The following RUNX1 variants were observed in gnomAD, a reference collection of about 807,000 sequenced individuals.
The protein encoded by RUNX1 is RUNX family transcription factor 1, also known as runt-related transcription factor 1.
Under a neutral mutation model 42.8 loss-of-function variants are expected in RUNX1, and 19 were observed. The ratio of observed to expected loss-of-function variants is 0.44; its 90% CI spans 0.31 to 0.65. The LOEUF is 0.65. Among genes scored for constraint, RUNX1 ranks in the 30% least tolerant of loss-of-function variants. The pLI, the probability that RUNX1 is intolerant of heterozygous loss-of-function variation, is 0.07. For synonymous variants in RUNX1, 271 were observed against 289.4 expected (o/e 0.94, Z 0.64); for missense variants, 528 against 672.0 (o/e 0.79, Z 2.37).
Position 34,901,518 on chromosome 21 carries a change from A to AAATAATAATAATAATAATAATAAT in RUNX1, c.59-8556_59-8555insATTATTATTATTATTATTATTATT, listed in dbSNP as rs536376739. Among the ~76,000 whole-genome samples, 41 of 151,862 alleles carry AAATAATAATAATAATAATAATAAT rather than the reference A, an allele frequency of 2.7e-4. No individual in the cohort carries two copies. The highest frequency in any genetic ancestry group is 8.9e-4 in the African/African-American group (37 of 41,400). ...ACAGAGCCAGATCCGTCTCAAAAAT[A>AAATAATAATAATAATAATAATAAT]AATAATAATAATAATAATAACAATA... On this transcript the variant is annotated intron_variant, in intron 2 of 8. Coordinates refer to ENST00000675419, the MANE Select transcript of RUNX1 (RefSeq NM_001754.5). This position sits in a 1 kb window ranked among gnomAD's most constrained non-coding sequence, Gnocchi z 4.3.
At chr21:34,879,129 G>A (rs1379733138) in intron 5 of RUNX1, among the ~76,000 whole-genome samples, 1 of 152,146 alleles carries the variant, frequency 6.6e-6, no homozygotes, top group Non-Finnish European at 1.5e-5. Context: ...CTACTCATCC[G>A]AAGCCTTTAA....
In RUNX1 at chr21:34,886,752, C is replaced by T. The variant is rs2057994741; in HGVS notation, c.351+91G>A. The T allele has an allele frequency of 5.7e-6, 9 of 1,589,874 alleles. No individual in the cohort carries two copies. In the South Asian group the frequency reaches 1.0e-4, roughly 18 times the overall value. ...GCTGCGGGGGCCCCTTTCCAGAATCCGGCCCCGCCCGCCTGGCCGCTGCCC... is the reference window on the plus strand; with the variant it reads ...GCTGCGGGGGCCCCTTTCCAGAATCTGGCCCCGCCCGCCTGGCCGCTGCCC... On this transcript the variant is annotated intron_variant, in intron 4 of 8. Transcript: ENST00000675419.
chr21:34,888,724 T>C (rs749726651), intron 3 of RUNX1: 159 of 1,021,762 alleles, frequency 1.6e-4, no homozygotes, highest in South Asian at 5.1e-4. Flanking sequence ...GTGCTTTTAC[T>C]GTAAGCCCGG....
intron 2 of RUNX1, among the ~76,000 whole-genome samples, chr21:35,019,411 C>T (rs1456908919): frequency 6.6e-6 from 1 of 152,196 alleles, no homozygotes; most frequent in Non-Finnish European, 1.5e-5. Flanking sequence ...AGGTATATGT[C>T]TTCTGTCCTC....
At chr21:34,927,455 T>C (rs779942104) in intron 2 of RUNX1, among the ~76,000 whole-genome samples, 2 of 152,200 alleles carry the variant, frequency 1.3e-5, no homozygotes, top group Non-Finnish European at 2.9e-5. Context: ...CTTGGACAGA[T>C]GTTGGTGAGT....
At chr21:35,027,989 G>A (rs1484269045) in intron 2 of RUNX1, among the ~76,000 whole-genome samples, 1 of 152,190 alleles carries the variant, frequency 6.6e-6, no homozygotes, top group African/African-American at 2.4e-5. Context: ...TGAGAGACTA[G>A]ACTAAGAAAT....
At chr21:34,835,427 T>C (rs896844451) in intron 6 of RUNX1, among the ~76,000 whole-genome samples, 2 of 151,470 alleles carry the variant, frequency 1.3e-5, no homozygotes, top group African/African-American at 2.4e-5. Context: ...AGTGTCTATA[T>C]AGGGTGGGAT....
intron 4 of RUNX1, among the ~76,000 whole-genome samples, chr21:34,886,119 G>A (rs1248728987): frequency 6.6e-6 from 1 of 152,206 alleles, no homozygotes; most frequent in Non-Finnish European, 1.5e-5. Context: ...TGGGACCCCT[G>A]GCTCTCCGAA....
chr21:34,841,424 A>G (rs748721179), intron 6 of RUNX1, among the ~76,000 whole-genome samples: 1 of 152,022 alleles, frequency 6.6e-6, no homozygotes, highest in Non-Finnish European at 1.5e-5. Flanking sequence ...GAAAGCAAGC[A>G]CTCACTGGGT....
At chr21:34,813,497 G>C (rs2056784793) in intron 7 of RUNX1, among the ~76,000 whole-genome samples, 1 of 152,062 alleles carries the variant, frequency 6.6e-6, no homozygotes, top group South Asian at 2.1e-4. Context: ...GAGAATCCTG[G>C]GTGGCTGCAG....
Position 34,880,704 on chromosome 21 carries a change from G to T in RUNX1, c.361C>A (p.Leu121Ile), listed in dbSNP as rs2146363846. 1 of 1,614,010 alleles carries T rather than the reference G, an allele frequency of 6.2e-7. No homozygotes were observed. The highest frequency in any genetic ancestry group is 8.5e-7 in the Non-Finnish European group (1 of 1,179,970). ...AGAGTGCCATCTGGAACATCCCCTA[G>T]GGCCACCACCTAAACACCAGTCAAA... The part of the protein sequence containing the change: ...TLPIAFKVVA[L>I]GDVPDGTLVT... Residue 121 changes from leucine to isoleucine, a missense_variant, in exon 5 of 9, where the codon CTA becomes ATA. By Grantham distance (5) the Leu-to-Ile change is conservative (BLOSUM62 2). Transcript: ENST00000675419.
intron 2 of RUNX1, among the ~76,000 whole-genome samples, chr21:35,014,543 G>A (rs1297521484): frequency 6.6e-6 from 1 of 152,184 alleles, no homozygotes; most frequent in Non-Finnish European, 1.5e-5. Context: ...AAGAGTTCCT[G>A]GGAAGGTCAA....
intron 6 of RUNX1, among the ~76,000 whole-genome samples, chr21:34,838,898 C>T (rs975610589): frequency 2.6e-5 from 4 of 151,316 alleles, no homozygotes; most frequent in Middle Eastern, 3.2e-3. Context: ...TACCATACCA[C>T]ATGTATATTA....
intron 2 of RUNX1, among the ~76,000 whole-genome samples, chr21:35,046,013 G>A (rs1027904502): frequency 1.4e-4 from 21 of 152,110 alleles, no homozygotes; most frequent in Admixed American, 5.2e-4. Context: ...TGTACGTGCC[G>A]AGGCTTTTCC....
At chr21:34,924,812 G>T (rs1339871906) in intron 2 of RUNX1, among the ~76,000 whole-genome samples, 1 of 152,130 alleles carries the variant, frequency 6.6e-6, no homozygotes, top group Non-Finnish European at 1.5e-5. Context: ...CTGGAGGCTG[G>T]GAAGTCTAAG....
At chr21:34,993,591 ACACACACAGG>A (rs761545234) in intron 2 of RUNX1, among the ~76,000 whole-genome samples, 2,943 of 146,278 alleles carry the variant, frequency 0.02, 74 homozygotes, top group Non-Finnish European at 0.025. Flanking sequence ...ACACAGACAC[ACACACACAGG>A]CACACACAGG....
At chr21:34,859,601 A>G (rs1191891789) in intron 5 of RUNX1, 23 bp from the exon 6 acceptor site, 1 of 1,570,304 alleles carries the variant, frequency 6.4e-7, no homozygotes, top group Non-Finnish European at 8.8e-7. Flanking sequence ...GATAGAGAAC[A>G]AAACAGAATG....
At chr21:34,883,393 A>G (rs2057935262) in intron 4 of RUNX1, among the ~76,000 whole-genome samples, 1 of 152,120 alleles carries the variant, frequency 6.6e-6, no homozygotes, top group African/African-American at 2.4e-5. Flanking sequence ...TTAATACTGT[A>G]TATCGTCCAA....
chr21:34,921,497 T>G lies in RUNX1; in HGVS notation c.59-28534A>C, dbSNP rs567574013. On this transcript the variant is annotated intron_variant, in intron 2 of 8. Transcript: ENST00000675419. Reference sequence around the variant, plus strand: ...TAAGGCTAAACAATATTCCACTGTATGTACAAACCACATTTTGTTTGTCCA... The same window carrying G: ...TAAGGCTAAACAATATTCCACTGTAGGTACAAACCACATTTTGTTTGTCCA... 1.1e-3 allele frequency among the ~76,000 whole-genome samples: 164 copies of G among 152,370 alleles called. 1 individual carries two copies. Among genetic ancestry groups the G allele is most frequent in the Non-Finnish European group, 1.5e-3 (99 of 68,024 alleles).
Sources: allele counts gnomAD v4.1 joint callset (sites outside exome capture counted in the v4.1 genomes callset), GRCh38; gene constraint gnomAD v4.1.1; non-coding constraint Gnocchi (gnomAD v3.1); transcripts MANE v1.5; gene names NCBI Gene and HGNC (gene_info 2026-07-23, HGNC 2026-07-21).